Variants in HS6ST3 observed in about 807,000 individuals in gnomAD.
The protein encoded by HS6ST3 is heparan sulfate 6-O-sulfotransferase 3, also known as heparan-sulfate 6-O-sulfotransferase 3.
HS6ST3 carries 12 observed loss-of-function variants against 36.7 expected under a neutral mutation model. The observed-to-expected ratio is 0.33, with a 90% CI of 0.21 to 0.53. The LOEUF is 0.53. Among genes scored for constraint, HS6ST3 ranks in the 20% least tolerant of loss-of-function variants. The pLI is 0.95. For missense variants in HS6ST3, 584 were observed against 640.9 expected, an observed-to-expected ratio of 0.91 and a Z score of 0.96; for synonymous variants, 240 against 257.5, an observed-to-expected ratio of 0.93 and a Z score of 0.65.
chr13:96,574,382 G>T (rs996429173), intron 1 of HS6ST3: 9 of 473,010 alleles, frequency 1.9e-5, no homozygotes, highest in South Asian at 1.8e-4. Flanking sequence ...TGGAAAAATG[G>T]TCAAACTCAC....
intron 1 of HS6ST3, among the ~76,000 whole-genome samples, chr13:96,616,186 C>G (rs554417099): frequency 1.6e-4 from 24 of 152,238 alleles, no homozygotes; most frequent in African/African-American, 4.8e-4. Flanking sequence ...CATGTCATCT[C>G]TTATATACAA....
Position 96,145,835 on chromosome 13 carries a change from G to T in HS6ST3, c.707+54266G>T, listed in dbSNP as rs1460838107. ...CATCTTGAATTAATTTATGTATAAG[G>T]TGTAAGGAAGGGATCCAGTTTCAGC... On this transcript the variant is annotated intron_variant, in intron 1 of 1. Coordinates refer to ENST00000376705, the MANE Select transcript of HS6ST3 (RefSeq NM_153456.4). Among the ~76,000 whole-genome samples, 4 of 152,250 alleles carry T rather than the reference G, an allele frequency of 2.6e-5. No individual in the cohort carries two copies. In the South Asian group the frequency reaches 8.3e-4, roughly 32 times the overall value.
At chr13:96,516,457 G>T (rs1225005107) in intron 1 of HS6ST3, among the ~76,000 whole-genome samples, 1 of 152,104 alleles carries the variant, frequency 6.6e-6, no homozygotes, top group Non-Finnish European at 1.5e-5. Flanking sequence ...TTAATAGATA[G>T]TCAGTAATTA....
chr13:96,609,947 A>G (rs1176492682), intron 1 of HS6ST3, among the ~76,000 whole-genome samples: 2 of 152,216 alleles, frequency 1.3e-5, no homozygotes, highest in Non-Finnish European at 2.9e-5. Flanking sequence ...TTACAGAACA[A>G]TTAGGTAAAC....
At chr13:96,225,613 A>G (rs2054476630) in intron 1 of HS6ST3, among the ~76,000 whole-genome samples, 4 of 152,216 alleles carry the variant, frequency 2.6e-5, no homozygotes, top group Admixed American at 2.0e-4. Flanking sequence ...ACCTTGCATC[A>G]GTCTATGATA....
At chr13:96,785,186 C>T (rs957042922) in intron 1 of HS6ST3, among the ~76,000 whole-genome samples, 5 of 151,904 alleles carry the variant, frequency 3.3e-5, no homozygotes, top group Non-Finnish European at 5.9e-5. Context: ...AAAAGTTTCT[C>T]TTTTGAATTT....
At chr13:96,614,326 A>C (rs926426347) in intron 1 of HS6ST3, among the ~76,000 whole-genome samples, 1 of 147,406 alleles carries the variant, frequency 6.8e-6, no homozygotes, top group African/African-American at 2.7e-5. Flanking sequence ...AAAAAAAAAA[A>C]AACAGTTATT....
At chr13:96,711,241 A>C (rs1875554533) in intron 1 of HS6ST3, among the ~76,000 whole-genome samples, 1 of 152,122 alleles carries the variant, frequency 6.6e-6, no homozygotes, top group Admixed American at 6.6e-5. Flanking sequence ...ACCTGCCCAA[A>C]ATGAATAACC....
intron 1 of HS6ST3, among the ~76,000 whole-genome samples, chr13:96,659,011 T>C (rs942642073): frequency 6.6e-6 from 1 of 152,178 alleles, no homozygotes; most frequent in Non-Finnish European, 1.5e-5. Context: ...CTAGCCTGTA[T>C]GAACTCTTTT....
chr13:96,831,954 C>CAAAAAAAA (rs35266831), intron 1 of HS6ST3, among the ~76,000 whole-genome samples: 510 of 21,828 alleles, frequency 0.023, 104 homozygotes, highest in Non-Finnish European at 0.028. Context: ...GACTCCCTCT[C>CAAAAAAAA]AAAAAAAAAA....
rs180844146 is a variant in HS6ST3, at chr13:96,798,635, G to A, written c.708-33855G>A. ...GAGGAAGGTCACTTAATTTCTCTGC[G>A]CCTCAATGTCCTCATCTATAAAATA... On this transcript the variant is annotated intron_variant, in intron 1 of 1. Transcript: ENST00000376705. 1.9e-4 allele frequency among the ~76,000 whole-genome samples: 29 copies of A among 152,060 alleles called. No homozygotes were observed. In the East Asian group the frequency reaches 3.7e-3, roughly 19 times the overall value.
At chr13:96,242,028 G>A (rs1161957923) in intron 1 of HS6ST3, among the ~76,000 whole-genome samples, 6 of 151,490 alleles carry the variant, frequency 4.0e-5, no homozygotes, top group Admixed American at 2.0e-4. Flanking sequence ...CTCGTGATCC[G>A]CCCGCCTCGG....
chr13:96,430,722 C>T lies in HS6ST3; in HGVS notation c.707+339153C>T, dbSNP rs748152995. 5.9e-5 allele frequency among the ~76,000 whole-genome samples: 9 copies of T among 152,300 alleles called. No individual in the cohort carries two copies. The South Asian group carries it at 8.3e-4, about 14-fold the overall frequency. Reference sequence around the variant, plus strand: ...CCAACTTCCCATTGACCACTAGTGCCGGTTTCCTCAAAGGTGAAGGTCAAT... The same window carrying T: ...CCAACTTCCCATTGACCACTAGTGCTGGTTTCCTCAAAGGTGAAGGTCAAT... On this transcript the variant is annotated intron_variant, in intron 1 of 1. Coordinates refer to ENST00000376705, the MANE Select transcript of HS6ST3 (RefSeq NM_153456.4).
intron 1 of HS6ST3, among the ~76,000 whole-genome samples, chr13:96,744,798 C>T (rs567774655): frequency 6.6e-6 from 1 of 152,048 alleles, no homozygotes; most frequent in African/African-American, 2.4e-5. Flanking sequence ...TCAAATCTAT[C>T]GCTTGTGTAT....
At chr13:96,520,862 G>A (rs1038069005) in intron 1 of HS6ST3, among the ~76,000 whole-genome samples, 2 of 152,106 alleles carry the variant, frequency 1.3e-5, no homozygotes, top group African/African-American at 4.8e-5. Context: ...TGATTGCCCT[G>A]GCCAGAGCTT....
rs569322969 is a variant in HS6ST3 at position 96,762,077 on chromosome 13, C to T, written c.708-70413C>T. ...TTTTATATATATATATACACATATA[C>T]GTATATGTGTAAACTAATGAGATTA... On this transcript the variant is annotated intron_variant, in intron 1 of 1. Coordinates refer to ENST00000376705, the MANE Select transcript of HS6ST3 (RefSeq NM_153456.4). 1.2e-4 allele frequency among the ~76,000 whole-genome samples: 18 copies of T among 151,724 alleles called. No individual in the cohort carries two copies. The South Asian group carries it at 1.9e-3, about 16-fold the overall frequency.
At chr13:96,688,352 T>C (rs1176417719) in intron 1 of HS6ST3, among the ~76,000 whole-genome samples, 1 of 151,918 alleles carries the variant, frequency 6.6e-6, no homozygotes, top group African/African-American at 2.4e-5. Context: ...CTTCTATGAA[T>C]TTGTTTTATA....
At chr13:96,593,174 CTT>C (rs35380296) in intron 1 of HS6ST3, among the ~76,000 whole-genome samples, 9 of 46,618 alleles carry the variant, frequency 1.9e-4, no homozygotes, top group African/African-American at 6.5e-4. Flanking sequence ...TTCTTTCTTT[CTT>C]TTTTTTTTTT....
intron 1 of HS6ST3, among the ~76,000 whole-genome samples, chr13:96,168,625 C>T (rs2054172129): frequency 6.6e-6 from 1 of 151,708 alleles, no homozygotes; most frequent in Non-Finnish European, 1.5e-5. Flanking sequence ...GATTGCTAGA[C>T]CCCAGGTAGA....
Sources: allele counts gnomAD v4.1 joint callset (sites outside exome capture counted in the v4.1 genomes callset), GRCh38; gene constraint gnomAD v4.1.1; transcripts MANE v1.5; gene names NCBI Gene and HGNC (gene_info 2026-07-23, HGNC 2026-07-21).